Variants in PCDHA2 observed in about 807,000 individuals in gnomAD.
The protein encoded by PCDHA2 is protocadherin alpha 2, also known as protocadherin alpha-2.
Under a neutral mutation model 66.0 loss-of-function variants are expected in PCDHA2, and 58 were observed. The ratio of observed to expected loss-of-function variants is 0.88; its 90% CI spans 0.71 to 1.09. The LOEUF is 1.09. Among genes scored for constraint, PCDHA2 ranks in the 50% least tolerant of loss-of-function variants. PCDHA2 has a pLI of 0.00. For missense variants in PCDHA2, 1,267 were observed against 1,242.3 expected, an observed-to-expected ratio of 1.02 and a Z score of -0.30; for synonymous variants, 634 against 554.0, an observed-to-expected ratio of 1.14 and a Z score of -2.03.
chr5:140,802,833 G>A (rs782195436), intron 1 of PCDHA2: 5 of 1,613,478 alleles, frequency 3.1e-6, no homozygotes, highest in African/African-American at 1.3e-5. Flanking sequence ...GCCGCCTCTG[G>A]GCAGCAACGT....
intron 1 of PCDHA2, chr5:140,823,342 G>A (rs143184133): frequency 6.2e-7 from 1 of 1,612,384 alleles, no homozygotes; most frequent in Non-Finnish European, 8.5e-7. Context: ...GCAGCCGCTG[G>A]ACCACGAGGA....
intron 1 of PCDHA2, chr5:140,969,110 C>G (rs1380719565): frequency 2.5e-6 from 4 of 1,614,064 alleles, no homozygotes; most frequent in South Asian, 2.2e-5. Context: ...CATTGAAGTT[C>G]GAGGGAATGG....
intron 1 of PCDHA2, chr5:140,836,350 A>T (rs1454301862): frequency 3.1e-6 from 5 of 1,613,518 alleles, no homozygotes; most frequent in Non-Finnish European, 4.2e-6. Flanking sequence ...GACCACGGGG[A>T]GCCCTCGCTG....
chr5:140,850,756 G>A (rs2150497273), intron 1 of PCDHA2: 1 of 1,598,098 alleles, frequency 6.3e-7, no homozygotes, highest in Non-Finnish European at 8.6e-7. Context: ...TCGCAGCAGA[G>A]GAGGCAGAGG....
intron 3 of PCDHA2, among the ~76,000 whole-genome samples, chr5:140,994,127 A>T (rs536865883): frequency 6.6e-6 from 1 of 152,348 alleles, no homozygotes; most frequent in South Asian, 2.1e-4. Flanking sequence ...GATAAGGGCG[A>T]CAATAATGCC....
At chr5:140,861,386 G>A in intron 1 of PCDHA2, 1 of 440,552 alleles carries the variant, frequency 2.3e-6, no homozygotes, top group Non-Finnish European at 4.6e-6. Context: ...CGCAGGACCT[G>A]GGTCTGGAGC....
At position 140,807,404 on chromosome 5, in the gene PCDHA2, G is replaced by A. The variant is rs201303975; in HGVS notation, c.2388+10052G>A. ...CCGGGTGGCGTCCAAGGGCCGCGGA[G>A]GCCTTCTGGAGGTAAATCTGCAGAA... On this transcript the variant is annotated intron_variant, in intron 1 of 3. Coordinates refer to ENST00000526136, the MANE Select transcript of PCDHA2 (RefSeq NM_018905.3). 2 of 737,044 alleles carry A rather than the reference G, an allele frequency of 2.7e-6. 1 individual carries two copies. The highest frequency in any genetic ancestry group is 5.5e-5 in the South Asian group (2 of 36,322). The allele number at this position is 737,044 out of a possible 1,614,324, so 45.7% of individuals were successfully genotyped here. A position where few individuals can be genotyped will look rare whatever the true frequency, so the allele number is the denominator to read the frequency against.
chr5:140,888,754 C>CT lies in PCDHA2; in HGVS notation c.2389-90185dup, dbSNP rs782694187. Reference sequence around the variant, plus strand: ...TGAGCTCTAGGAATTATTCTACCCACTTTTTTTTTTAATTTTGAAGGGATA... The same window carrying CT: ...TGAGCTCTAGGAATTATTCTACCCACTTTTTTTTTTTAATTTTGAAGGGATA... On this transcript the variant is annotated intron_variant, in intron 1 of 3. Transcript: ENST00000526136. 7.0e-3 allele frequency among the ~76,000 whole-genome samples: 1,040 copies of CT among 148,666 alleles called. 3 individuals are homozygous for CT. The highest frequency in any genetic ancestry group is 0.038 in the Middle Eastern group (11 of 290).
At chr5:140,883,311 C>T (rs1562787016) in intron 1 of PCDHA2, 9 of 1,613,984 alleles carry the variant, frequency 5.6e-6, no homozygotes, top group Non-Finnish European at 7.6e-6. Flanking sequence ...GATAACGCCC[C>T]AGAGGTTACC....
intron 2 of PCDHA2, 148 bp from the exon 3 acceptor site, chr5:140,982,327 C>T: frequency 7.0e-7 from 1 of 1,419,146 alleles, no homozygotes; most frequent in Non-Finnish European, 9.4e-7. Context: ...AGGGTGACTG[C>T]TCAGCAGTAA....
chr5:140,929,138 G>C (rs150967804), intron 1 of PCDHA2: 183 of 1,614,054 alleles, frequency 1.1e-4, no homozygotes, highest in Non-Finnish European at 1.5e-4. Context: ...ACAGTTGAGA[G>C]ACTTTCTCAG....
chr5:140,883,771 G>A (rs782418376), intron 1 of PCDHA2: 11 of 1,612,346 alleles, frequency 6.8e-6, no homozygotes, highest in African/African-American at 1.3e-5. Context: ...GGGTGGGCGA[G>A]CGTGCGCTGT....
intron 1 of PCDHA2, among the ~76,000 whole-genome samples, chr5:140,839,694 A>G (rs1199656797): frequency 6.6e-6 from 1 of 152,032 alleles, no homozygotes; most frequent in Non-Finnish European, 1.5e-5. Context: ...TTTTTTGGGT[A>G]AATAATGTGA....
intron 1 of PCDHA2, among the ~76,000 whole-genome samples, chr5:140,895,531 A>T (rs1433375510): frequency 6.6e-6 from 1 of 152,016 alleles, no homozygotes; most frequent in Non-Finnish European, 1.5e-5. Flanking sequence ...TTCGTTTTTC[A>T]ATTGTTGAGT....
chr5:140,836,508 A>G (rs2150262609), intron 1 of PCDHA2: 1 of 1,613,830 alleles, frequency 6.2e-7, no homozygotes, highest in Non-Finnish European at 8.5e-7. Context: ...CGCGGTGTCC[A>G]GTCTGTTGGT....
At chr5:140,836,239 G>A in intron 1 of PCDHA2, 1 of 1,613,796 alleles carries the variant, frequency 6.2e-7, no homozygotes, top group Non-Finnish European at 8.5e-7. Context: ...GCCGGTGCGA[G>A]CATCCCGTTC....
intron 1 of PCDHA2, chr5:140,871,394 C>G (rs782179742): frequency 6.2e-7 from 1 of 1,614,042 alleles, no homozygotes; most frequent in Admixed American, 1.7e-5. Context: ...GAGGGCCCAC[C>G]TAAGACGGAC....
At chr5:140,966,622 G>C in intron 1 of PCDHA2, 1 of 854,486 alleles carries the variant, frequency 1.2e-6, no homozygotes, top group Non-Finnish European at 1.6e-6. Flanking sequence ...TACGGAGGGA[G>C]CGGCCCCAGG....
chr5:141,008,438 A>G (rs1214725080), intron 3 of PCDHA2, among the ~76,000 whole-genome samples: 1 of 152,204 alleles, frequency 6.6e-6, no homozygotes, highest in Admixed American at 6.5e-5. Flanking sequence ...TTGCCCAGAC[A>G]GACCATTACC....
Sources: allele counts gnomAD v4.1 joint callset (sites outside exome capture counted in the v4.1 genomes callset), GRCh38; gene constraint gnomAD v4.1.1; transcripts MANE v1.5; gene names NCBI Gene and HGNC (gene_info 2026-07-23, HGNC 2026-07-21).